Variants in LHFPL3 observed in about 807,000 individuals in gnomAD.
The protein encoded by LHFPL3 is LHFPL tetraspan subfamily member 3 protein.
A neutral mutation model predicts 19.3 loss-of-function variants in LHFPL3; 5 were observed. That is an observed-to-expected ratio of 0.26 (90% CI 0.14 to 0.54). The LOEUF is 0.54. LHFPL3 is among the 20% of genes least tolerant of loss of function. The pLI, the probability that LHFPL3 is intolerant of heterozygous loss-of-function variation, is 0.94. For synonymous variants in LHFPL3, 133 were observed against 126.2 expected, an observed-to-expected ratio of 1.05 and a Z score of -0.36; for missense variants, 249 against 307.4, an observed-to-expected ratio of 0.81 and a Z score of 1.42.
At chr7:104,631,617 G>A (rs1791643160) in intron 1 of LHFPL3, among the ~76,000 whole-genome samples, 1 of 152,178 alleles carries the variant, frequency 6.6e-6, no homozygotes, top group African/African-American at 2.4e-5. Context: ...GTCTCCACTG[G>A]TGGGGTTCAG....
chr7:104,535,035 A>C (rs1794367123), intron 1 of LHFPL3, among the ~76,000 whole-genome samples: 1 of 152,034 alleles, frequency 6.6e-6, no homozygotes, highest in Non-Finnish European at 1.5e-5. Context: ...AAGAAGCTGT[A>C]GGGACAGAAA....
At chr7:104,349,098 C>T (rs1790127529) in intron 1 of LHFPL3, among the ~76,000 whole-genome samples, 1 of 151,962 alleles carries the variant, frequency 6.6e-6, no homozygotes, top group Non-Finnish European at 1.5e-5. Flanking sequence ...AAACACAAGA[C>T]ATTTATAAAT....
chr7:104,729,134 A>G (rs1235782378), intron 1 of LHFPL3, among the ~76,000 whole-genome samples: 1 of 152,182 alleles, frequency 6.6e-6, no homozygotes, highest in Non-Finnish European at 1.5e-5. Context: ...ACTATTTTGC[A>G]GTGTTTTTCA....
At chr7:104,614,211 T>C (rs989930553) in intron 1 of LHFPL3, among the ~76,000 whole-genome samples, 1 of 152,198 alleles carries the variant, frequency 6.6e-6, no homozygotes, top group South Asian at 2.1e-4. Context: ...ATGAGGGCTG[T>C]CTTGGTCAGG....
At chr7:104,524,875 A>C (rs1008384929) in intron 1 of LHFPL3, among the ~76,000 whole-genome samples, 9 of 152,214 alleles carry the variant, frequency 5.9e-5, no homozygotes, top group African/African-American at 2.2e-4. Flanking sequence ...ACAGAACCAA[A>C]AAATGGTTTT....
chr7:104,562,790 GT>G (rs1217579060), intron 1 of LHFPL3, among the ~76,000 whole-genome samples: 1 of 151,584 alleles, frequency 6.6e-6, no homozygotes, highest in Non-Finnish European at 1.5e-5. Context: ...TTTCTGTTCT[GT>G]TTTTTCCCCA....
chr7:104,834,249 A>G (rs1266692170), intron 2 of LHFPL3, among the ~76,000 whole-genome samples: 1 of 151,628 alleles, frequency 6.6e-6, no homozygotes, highest in Non-Finnish European at 1.5e-5. Context: ...TTTCAATCCA[A>G]TCAAGTTGAC....
At chr7:104,708,573 C>G (rs1189375079) in intron 1 of LHFPL3, among the ~76,000 whole-genome samples, 1 of 151,946 alleles carries the variant, frequency 6.6e-6, no homozygotes, top group Non-Finnish European at 1.5e-5. Context: ...TACTGGTTAC[C>G]TTCCTATTCT....
At chr7:104,474,706 AAAG>A (rs1792977344) in intron 1 of LHFPL3, among the ~76,000 whole-genome samples, 1 of 151,036 alleles carries the variant, frequency 6.6e-6, no homozygotes, top group African/African-American at 2.4e-5. Context: ...AAAAAAAAAA[AAAG>A]AAAGGGTCTT....
rs527247430 is a variant in LHFPL3, at chr7:104,414,543, T to C, written c.445+85319T>C. ...TAAGAAAATTGTAAGGGAGACACTT[T>C]GTGCAATCAATTAGATTGTTCTTTT... On this transcript the variant is annotated intron_variant, in intron 1 of 2. Transcript: ENST00000424859. Among the ~76,000 whole-genome samples, 5 of 152,368 alleles carry C rather than the reference T, an allele frequency of 3.3e-5. No individual in the cohort carries two copies. In the East Asian group the frequency reaches 9.6e-4, roughly 29 times the overall value.
chr7:104,886,356 TG>T (rs1206545567), intron 2 of LHFPL3, among the ~76,000 whole-genome samples: 1 of 152,120 alleles, frequency 6.6e-6, no homozygotes, highest in Non-Finnish European at 1.5e-5. Context: ...AGTTTTTCGT[TG>T]GTTTTATTTT....
At chr7:104,544,365 C>T (rs1290342216) in intron 1 of LHFPL3, among the ~76,000 whole-genome samples, 3 of 152,178 alleles carry the variant, frequency 2.0e-5, no homozygotes. Context: ...TAGCACAAGA[C>T]ACTTTGTGTA....
intron 1 of LHFPL3, among the ~76,000 whole-genome samples, chr7:104,444,909 A>G (rs960857846): frequency 1.3e-5 from 2 of 151,916 alleles, no homozygotes; most frequent in Non-Finnish European, 2.9e-5. Context: ...AATCGCTTGA[A>G]CCTGGGAGGT....
At chr7:104,504,071 C>T (rs1392557153) in intron 1 of LHFPL3, among the ~76,000 whole-genome samples, 1 of 152,154 alleles carries the variant, frequency 6.6e-6, no homozygotes, top group East Asian at 1.9e-4. Context: ...TCTCTCCAGG[C>T]CAGACTCCAT....
At chr7:104,597,859 C>G (rs557261594) in intron 1 of LHFPL3, among the ~76,000 whole-genome samples, 13 of 152,252 alleles carry the variant, frequency 8.5e-5, no homozygotes, top group African/African-American at 3.1e-4. Flanking sequence ...CTCATACTAA[C>G]TTGGATATAA....
At chr7:104,600,147 C>A (rs916612318) in intron 1 of LHFPL3, among the ~76,000 whole-genome samples, 6 of 152,124 alleles carry the variant, frequency 3.9e-5, no homozygotes, top group African/African-American at 1.4e-4. Context: ...CTGGGGTACC[C>A]TAAAAACATG....
At chr7:104,591,200 T>C (rs1473314875) in intron 1 of LHFPL3, among the ~76,000 whole-genome samples, 1 of 152,208 alleles carries the variant, frequency 6.6e-6, no homozygotes. Context: ...TACAGTTTCT[T>C]CCTAGCCTCG....
At chr7:104,897,476 A>G (rs753516468) in intron 2 of LHFPL3, among the ~76,000 whole-genome samples, 11 of 152,228 alleles carry the variant, frequency 7.2e-5, no homozygotes, top group African/African-American at 1.2e-4. Context: ...TAACAAAGGC[A>G]TGTAAAACTT....
chr7:104,431,436 T>A (rs1282524507), intron 1 of LHFPL3, among the ~76,000 whole-genome samples: 1 of 152,232 alleles, frequency 6.6e-6, no homozygotes, highest in Non-Finnish European at 1.5e-5. Context: ...AAAACTGAAT[T>A]GTTTTGAGTC....
Sources: gnomAD v4.1 joint callset for allele counts (sites outside exome capture counted in the v4.1 genomes callset) on GRCh38, gnomAD v4.1.1 for gene constraint, MANE v1.5 for transcripts, NCBI Gene and HGNC (gene_info 2026-07-23, HGNC 2026-07-21) for gene names.